Variants in SETD4 observed in about 807,000 individuals in gnomAD.
The protein encoded by SETD4 is SET domain-containing protein 4.
Under a neutral mutation model 58.3 loss-of-function variants are expected in SETD4, and 46 were observed. The ratio of observed to expected loss-of-function variants is 0.79; its 90% CI spans 0.62 to 1.01. SETD4 has a LOEUF of 1.01. Among genes scored for constraint, SETD4 ranks in the 50% least tolerant of loss-of-function variants. SETD4 has a pLI of 0.00. For missense variants in SETD4, 490 were observed against 523.3 expected, an observed-to-expected ratio of 0.94 and a Z score of 0.62; for synonymous variants, 190 against 202.6, an observed-to-expected ratio of 0.94 and a Z score of 0.53.
chr21:36,040,717 A>G, intron 8 of SETD4, 62 bp from the exon 9 acceptor site: 1 of 1,447,168 alleles, frequency 6.9e-7, no homozygotes, highest in South Asian at 1.1e-5. Context: ...CCTCATAGCA[A>G]ATGACTGAAG....
rs761581081 is a variant in SETD4, at chr21:36,040,559, C to A, written c.1064+16G>T. Reference sequence around the variant, plus strand: ...GCCTGTTGCTACAGCTTAAGACCAACACATGTGAAACTTACAATTTCTCAG... The same window carrying A: ...GCCTGTTGCTACAGCTTAAGACCAAAACATGTGAAACTTACAATTTCTCAG... On this transcript the variant is annotated intron_variant, in intron 9 of 11. Transcript: ENST00000332131. 1 of 1,610,242 alleles carries A rather than the reference C, an allele frequency of 6.2e-7. No individual in the cohort carries two copies. The highest frequency in any genetic ancestry group is 1.3e-5 in the African/African-American group (1 of 74,966).
Position 36,043,830 on chromosome 21 carries a change from CGT to C in SETD4, c.851_852del (p.Tyr284TrpfsTer7). On this transcript the variant is annotated frameshift_variant, in exon 7 of 12. Coordinates refer to ENST00000332131, the MANE Select transcript of SETD4 (RefSeq NM_017438.5). LOFTEE classifies it high-confidence loss of function. Reference sequence around the variant, plus strand: ...TGAGGATTATGGACAGAAACAAATCCGTATTCCAGGAACAGCCGTTGATTATC... The same window carrying C: ...TGAGGATTATGGACAGAAACAAATCCATTCCAGGAACAGCCGTTGATTATC... ...PHDNQRLFLEYGFVSVHNPHA... is the reference protein window; with the variant it reads ...PHDNQRLFLEXGFVSVHNPHA... 1 of 1,614,140 alleles carries C rather than the reference CGT, an allele frequency of 6.2e-7. No homozygotes were observed. Among genetic ancestry groups the C allele is most frequent in the Non-Finnish European group, 8.5e-7 (1 of 1,180,032 alleles).
At chr21:36,040,464 T>G in intron 9 of SETD4, 111 bp downstream of exon 9, 1 of 843,506 alleles carries the variant, frequency 1.2e-6, no homozygotes, top group Non-Finnish European at 2.0e-6. Context: ...TGACATCCCT[T>G]TTTCCTCCCT....
At chr21:36,036,016 C>T (rs966372053) in intron 11 of SETD4, 56 bp from the exon 12 acceptor site, 1 of 1,436,066 alleles carries the variant, frequency 7.0e-7, no homozygotes. Flanking sequence ...GTAGACACAA[C>T]TCATCGACTC....
intron 6 of SETD4, 128 bp downstream of exon 6, chr21:36,045,453 AC>A: frequency 1.7e-6 from 2 of 1,150,822 alleles, no homozygotes; most frequent in Non-Finnish European, 2.5e-6. Flanking sequence ...CGTCAGGCCA[AC>A]CTGACAGGGT....
At chr21:36,041,940 T>C (rs1471562447) in intron 7 of SETD4, 52 bp from the exon 8 acceptor site, 6 of 956,924 alleles carry the variant, frequency 6.3e-6, no homozygotes, top group Non-Finnish European at 6.2e-6. Context: ...TGGACAAAAG[T>C]ATGTCTCCCT....
intron 10 of SETD4, chr21:36,036,554 A>G: frequency 1.3e-6 from 1 of 762,192 alleles, no homozygotes. Flanking sequence ...ATCATACAGC[A>G]TTTGTCCTTT....
chr21:36,058,913 T>C lies in SETD4; in HGVS notation c.-25A>G, dbSNP rs1173034242. 1.9e-6 allele frequency: 3 copies of C among 1,568,692 alleles called. No individual in the cohort carries two copies. The South Asian group carries it at 3.7e-5, about 19-fold the overall frequency. On this transcript the variant is annotated 5_prime_UTR_variant, in exon 2 of 12. Coordinates refer to ENST00000332131, the MANE Select transcript of SETD4 (RefSeq NM_017438.5). ...TGCTAAAACTGTAGTTTCTTTTTTC[T>C]GAAATACAGTTCTATTTTTTCAAAA... is the stretch of plus-strand genomic sequence containing the variant.
chr21:36,057,569 T>C (rs554073695), intron 2 of SETD4: 1 of 467,682 alleles, frequency 2.1e-6, no homozygotes, highest in Admixed American at 3.9e-5. Flanking sequence ...AACATACGAC[T>C]ATATTCATTC....
In SETD4 at chr21:36,057,187, A is replaced by C. The variant is rs760623602; in HGVS notation, c.91T>G (p.Ser31Ala). The change falls in exon 3 of 12, where the codon TCT (serine) becomes GCT (alanine). Residue 31 changes from serine to alanine, a missense_variant. Ser to Ala is a moderately conservative substitution (Grantham distance 99, BLOSUM62 1). Coordinates refer to ENST00000332131, the MANE Select transcript of SETD4 (RefSeq NM_017438.5). Reference sequence around the variant, plus strand: ...CACTTCCTCAGCTCTATAAATTCAGACTTGTGGCTCTCATTCACTATCAGG... The same window carrying C: ...CACTTCCTCAGCTCTATAAATTCAGCCTTGTGGCTCTCATTCACTATCAGG... Reference protein sequence around the residue: ...ESRGVNESHKSEFIELRKWLK... With the variant: ...ESRGVNESHKAEFIELRKWLK... The C allele has an allele frequency of 1.2e-6, 2 of 1,614,098 alleles. No homozygotes were observed. The highest frequency in any genetic ancestry group is 1.7e-5 in the Admixed American group (1 of 60,028).
intron 5 of SETD4, among the ~76,000 whole-genome samples, chr21:36,047,124 G>A (rs1014739588): frequency 4.6e-5 from 7 of 151,978 alleles, no homozygotes; most frequent in East Asian, 3.9e-4. Flanking sequence ...GCATGGTGGC[G>A]CACACCTGTA....
chr21:36,042,721 A>C (rs1226579867), intron 7 of SETD4: 2 of 152,184 alleles, frequency 1.3e-5, no homozygotes, highest in African/African-American at 4.8e-5. Flanking sequence ...CAGTTTCAGA[A>C]AGGGAAAAAT....
intron 5 of SETD4, among the ~76,000 whole-genome samples, chr21:36,046,611 G>C (rs1275974494): frequency 1.3e-5 from 2 of 152,138 alleles, no homozygotes; most frequent in Admixed American, 6.5e-5. Flanking sequence ...AGCTCTATTG[G>C]AGGGCACCAA....
chr21:36,058,594 T>C (rs1317268575), intron 2 of SETD4, among the ~76,000 whole-genome samples: 1 of 152,116 alleles, frequency 6.6e-6, no homozygotes, highest in African/African-American at 2.4e-5. Context: ...GGCTCACGCC[T>C]GTAGTCCCAG....
chr21:36,057,480 TAA>T (rs879282528), intron 2 of SETD4: 1,024 of 526,634 alleles, frequency 1.9e-3, no homozygotes, highest in South Asian at 4.8e-3. Flanking sequence ...CCCCATCTCT[TAA>T]AAAAAAAAAA....
In SETD4 at chr21:36,045,699, G is replaced by T. The variant is rs79501672; in HGVS notation, c.609C>A (p.Thr203=). The change falls in exon 6 of 12, where the codon ACC becomes ACA. Residue 203 remains threonine (T), a synonymous_variant. Transcript: ENST00000332131. ...TCAGGTACACGGCTCTGGTGTTGACGGTGCACCAAGCCCACAGCAGGGCAC... is the reference window on the plus strand; with the variant it reads ...TCAGGTACACGGCTCTGGTGTTGACTGTGCACCAAGCCCACAGCAGGGCAC... The part of the protein sequence containing the change: ...SYSALLWAWC[T]VNTRAVYLRP... 1 of 1,614,018 alleles carries T rather than the reference G, an allele frequency of 6.2e-7. No individual in the cohort carries two copies. Among genetic ancestry groups the T allele is most frequent in the African/African-American group, 1.3e-5 (1 of 74,898 alleles).
intron 4 of SETD4, chr21:36,050,929 T>C (rs2064647452): frequency 2.5e-6 from 4 of 1,609,646 alleles, no homozygotes; most frequent in Non-Finnish European, 2.6e-6. Flanking sequence ...GTGGGGATGA[T>C]GTGTTCATTG....
At chr21:36,050,665 T>C in intron 4 of SETD4, 1 of 1,600,914 alleles carries the variant, frequency 6.2e-7, no homozygotes, top group Non-Finnish European at 8.6e-7. Context: ...GAAGCTCAAG[T>C]ACCGGAGTTC....
chr21:36,059,648 A>C (rs2065187426), intron 1 of SETD4: 1 of 762,850 alleles, frequency 1.3e-6, no homozygotes. Context: ...AGATCACGCC[A>C]CTGCACTCCA....
Sources: gnomAD v4.1 joint callset for allele counts (sites outside exome capture counted in the v4.1 genomes callset) on GRCh38, gnomAD v4.1.1 for gene constraint, MANE v1.5 for transcripts, NCBI Gene and HGNC (gene_info 2026-07-23, HGNC 2026-07-21) for gene names.